GLI3: variants seen among roughly 807,000 people sequenced by gnomAD.
GLI3 encodes GLI family zinc finger 3, also known as transcription activator GLI3.
Under a neutral mutation model 100.8 loss-of-function variants are expected in GLI3, and 20 were observed. The ratio of observed to expected loss-of-function variants is 0.20; its 90% CI spans 0.14 to 0.29. The LOEUF is 0.29. GLI3 is among the 10% of genes least tolerant of loss of function. The pLI, the probability that GLI3 is intolerant of heterozygous loss-of-function variation, is 1.00. For synonymous variants in GLI3, 938 were observed against 860.5 expected, an observed-to-expected ratio of 1.09 and a Z score of -1.58; for missense variants, 2,040 against 2,128.5, an observed-to-expected ratio of 0.96 and a Z score of 0.82.
intron 3 of GLI3, among the ~76,000 whole-genome samples, chr7:42,094,526 A>T (rs1398525909): frequency 6.6e-6 from 1 of 151,330 alleles, no homozygotes. Flanking sequence ...ACTTGAGGTC[A>T]GGAGTTCGAG....
intron 3 of GLI3, among the ~76,000 whole-genome samples, chr7:42,142,934 CAAAAA>C (rs11287528): frequency 1.3e-5 from 1 of 76,920 alleles, no homozygotes; most frequent in Non-Finnish European, 2.4e-5. Context: ...ACTCTGTCTC[CAAAAA>C]AAAAAAAAAA....
intron 3 of GLI3, among the ~76,000 whole-genome samples, chr7:42,124,005 A>T (rs1159262362): frequency 6.6e-6 from 1 of 152,132 alleles, no homozygotes; most frequent in Non-Finnish European, 1.5e-5. Flanking sequence ...AAGGCCCCTG[A>T]TGCCCACCGA....
chr7:42,212,303 A>G (rs574748159), intron 2 of GLI3, among the ~76,000 whole-genome samples: 26 of 152,266 alleles, frequency 1.7e-4, no homozygotes, highest in African/African-American at 6.0e-4. Context: ...TGCATAAGAA[A>G]CTCCTGAATG....
intron 10 of GLI3, among the ~76,000 whole-genome samples, chr7:42,017,296 C>G (rs1788792291): frequency 6.6e-6 from 1 of 152,182 alleles, no homozygotes; most frequent in Non-Finnish European, 1.5e-5. Context: ...TCATTGAGAA[C>G]CAGCTAAAAA....
chr7:42,166,742 C>G (rs1787251013), intron 2 of GLI3, among the ~76,000 whole-genome samples: 1 of 149,256 alleles, frequency 6.7e-6, no homozygotes, highest in Admixed American at 6.7e-5. Context: ...TCACTGCACC[C>G]TCTGCCTCCC....
chr7:42,241,966 A>G (rs913682454), upstream of GLI3, among the ~76,000 whole-genome samples: 2 of 152,128 alleles, frequency 1.3e-5, no homozygotes, highest in African/African-American at 4.8e-5. Context: ...TTCTAAATAA[A>G]ATAATTTTCT....
At chr7:42,244,743 A>G (rs1398956501) in intron 1 of GLI3, among the ~76,000 whole-genome samples, 3 of 152,156 alleles carry the variant, frequency 2.0e-5, no homozygotes, top group Non-Finnish European at 4.4e-5. Context: ...TTGATTGGAA[A>G]GGTGCTGGGT....
rs1283279365 is a variant in GLI3 at position 42,223,109 on chromosome 7, G to A, written c.124+21C>T. 1.9e-6 allele frequency: 3 copies of A among 1,613,290 alleles called. No homozygotes were observed. In the East Asian group the frequency reaches 6.7e-5, roughly 36 times the overall value. On this transcript the variant is annotated intron_variant, in intron 2 of 14. Transcript: ENST00000395925. ...AGAAATGACTCCAGGCTGGGCTGCT[G>A]GTAATCCCTGTGCTGCTCACCATTA... is the stretch of plus-strand genomic sequence containing the variant.
At chr7:42,146,892 TGAAG>T (rs929598252) in intron 3 of GLI3, among the ~76,000 whole-genome samples, 1 of 152,206 alleles carries the variant, frequency 6.6e-6, no homozygotes, top group Non-Finnish European at 1.5e-5. Context: ...AAACCCTGAA[TGAAG>T]GAAGGAACAA....
intron 2 of GLI3, among the ~76,000 whole-genome samples, chr7:42,207,962 A>C (rs1373630171): frequency 1.3e-5 from 2 of 152,240 alleles, no homozygotes; most frequent in Non-Finnish European, 2.9e-5. Flanking sequence ...GTTTGACACC[A>C]GCCTGGCCAA....
chr7:41,968,748 GAAAGAAAGAAAGAAGGAAAGAAAGA>G (rs1787282500), intron 13 of GLI3, among the ~76,000 whole-genome samples: 2 of 122,150 alleles, frequency 1.6e-5, no homozygotes, highest in African/African-American at 7.4e-5. Context: ...AAGAAAGAAA[GAAAGAAAGAAAGAAGGAAAGAAAGA>G]AAGAAAGAAA....
chr7:42,006,572 G>A (rs959730198), intron 10 of GLI3, among the ~76,000 whole-genome samples: 1 of 152,218 alleles, frequency 6.6e-6, no homozygotes, highest in African/African-American at 2.4e-5. Context: ...ACCTGCATGT[G>A]TATGAGGCTA....
intron 4 of GLI3, among the ~76,000 whole-genome samples, chr7:42,058,865 C>G (rs1274339862): frequency 2.0e-5 from 3 of 152,174 alleles, no homozygotes; most frequent in Non-Finnish European, 4.4e-5. Flanking sequence ...CTACTCTGTA[C>G]TGTAAATATA....
intron 10 of GLI3, among the ~76,000 whole-genome samples, chr7:42,006,163 G>C (rs1043182866): frequency 6.6e-6 from 1 of 152,210 alleles, no homozygotes; most frequent in Non-Finnish European, 1.5e-5. Flanking sequence ...GGATACCCGA[G>C]CTCGAAGGGC....
rs1044663783 is a variant in GLI3 at position 42,013,524 on chromosome 7, C to T, written c.1497+9944G>A. On this transcript the variant is annotated intron_variant, in intron 10 of 14. Coordinates refer to ENST00000395925, the MANE Select transcript of GLI3 (RefSeq NM_000168.6). ...GACTACAGGTGTGCCTCACCATGTT[C>T]GGCTAAATTAGTATTATTATTGTTA... is the stretch of plus-strand genomic sequence containing the variant. Among the ~76,000 whole-genome samples, 3 of 151,890 alleles carry T rather than the reference C, an allele frequency of 2.0e-5. No homozygotes were observed. The East Asian group carries it at 5.8e-4, about 29-fold the overall frequency.
chr7:42,005,309 T>C (rs1255325144), intron 10 of GLI3, among the ~76,000 whole-genome samples: 1 of 152,120 alleles, frequency 6.6e-6, no homozygotes, highest in Non-Finnish European at 1.5e-5. Context: ...TTGGTGAGCG[T>C]GGTCTCTTTA....
At chr7:42,245,968 T>C (rs116761021) in intron 1 of GLI3, among the ~76,000 whole-genome samples, 64 of 151,864 alleles carry the variant, frequency 4.2e-4, no homozygotes, top group African/African-American at 1.5e-3. Context: ...TAAATATTCT[T>C]CTCAAATAGA....
chr7:42,181,727 A>G (rs578133017), intron 2 of GLI3, among the ~76,000 whole-genome samples: 2 of 152,186 alleles, frequency 1.3e-5, no homozygotes, highest in African/African-American at 4.8e-5. Flanking sequence ...AAAACATTCC[A>G]TTGCCCCACA....
chr7:42,027,622 A>T (rs1039521001), intron 7 of GLI3, among the ~76,000 whole-genome samples: 1 of 152,196 alleles, frequency 6.6e-6, no homozygotes, highest in African/African-American at 2.4e-5. Flanking sequence ...CATTTTGCCT[A>T]TTTGACTACA....
Sources: allele counts gnomAD v4.1 joint callset (sites outside exome capture counted in the v4.1 genomes callset), GRCh38; gene constraint gnomAD v4.1.1; transcripts MANE v1.5; gene names NCBI Gene and HGNC (gene_info 2026-07-23, HGNC 2026-07-21).